Variants in ELAVL2 observed in about 807,000 individuals in gnomAD.
ELAVL2 encodes the protein ELAV-like protein 2.
A neutral mutation model predicts 34.6 loss-of-function variants in ELAVL2; 4 were observed. The ratio of observed to expected loss-of-function variants is 0.12; its 90% CI spans 0.06 to 0.26. The LOEUF (loss-of-function observed/expected upper bound fraction) is 0.26. ELAVL2 is among the 10% of genes least tolerant of loss of function. The pLI, the probability that ELAVL2 is intolerant of heterozygous loss-of-function variation, is 1.00. For synonymous variants in ELAVL2, 193 were observed against 154.8 expected (o/e 1.25, Z -1.83); for missense variants, 432 against 442.8 (o/e 0.98, Z 0.22).
intron 1 of ELAVL2, among the ~76,000 whole-genome samples, chr9:23,804,085 T>C (rs1424459011): frequency 6.6e-6 from 1 of 152,196 alleles, no homozygotes; most frequent in Non-Finnish European, 1.5e-5. Context: ...GTAATTCTAT[T>C]ATAATAATTT....
At chr9:23,825,136 A>C (rs1029950750) in intron 1 of ELAVL2, among the ~76,000 whole-genome samples, 2 of 152,222 alleles carry the variant, frequency 1.3e-5, no homozygotes, top group Non-Finnish European at 2.9e-5. Flanking sequence ...TCTTCTTTTA[A>C]AACTGAATTA....
In ELAVL2 at chr9:23,762,209, G is replaced by A. The variant is rs766358082; in HGVS notation, c.26C>T (p.Pro9Leu). 6.8e-6 allele frequency: 11 copies of A among 1,613,366 alleles called. No individual in the cohort carries two copies. The Admixed American group carries it at 1.8e-4, about 27-fold the overall frequency. Residue 9 changes from proline (P) to leucine (L), a missense_variant, in exon 2 of 7, where the codon CCA (proline) becomes CTA (leucine). Pro to Leu is a moderately conservative substitution (Grantham distance 98, BLOSUM62 -3). Around this residue, in one of 3 missense-constraint regions of ELAVL2, gnomAD observed 132 missense variants for 118.3 expected, o/e 1.12. Coordinates refer to ENST00000397312, the MANE Select transcript of ELAVL2 (RefSeq NM_004432.5). ...ACCATTGGCTGTGTTATTGCAAGTT[G>A]GCCCATTAGACAGTTGTGTTTCCAT... is the stretch of plus-strand genomic sequence containing the variant. The part of the protein sequence containing the change: METQLSNG[P>L]TCNNTANGPT...
chr9:23,711,534 C>A (rs1329681472), intron 3 of ELAVL2, among the ~76,000 whole-genome samples: 3 of 152,190 alleles, frequency 2.0e-5, no homozygotes, highest in Admixed American at 6.5e-5. Context: ...CCTGCTCTCA[C>A]TTCTCTGTGT....
chr9:23,765,781 T>C (rs770464945), intron 1 of ELAVL2, among the ~76,000 whole-genome samples: 3 of 152,124 alleles, frequency 2.0e-5, no homozygotes, highest in African/African-American at 4.8e-5. Context: ...TTGTTTGGAG[T>C]AATGCTCGCA....
intron 4 of ELAVL2, among the ~76,000 whole-genome samples, chr9:23,704,477 G>A (rs1304560974): frequency 6.6e-6 from 1 of 152,032 alleles, no homozygotes; most frequent in East Asian, 1.9e-4. Flanking sequence ...GCATGAACCT[G>A]GAAAACAGCC....
intron 5 of ELAVL2, among the ~76,000 whole-genome samples, chr9:23,700,751 A>G (rs2036905454): frequency 6.6e-6 from 1 of 152,230 alleles, no homozygotes; most frequent in Non-Finnish European, 1.5e-5. Context: ...GAAAAGGAAG[A>G]GAGGAACTCA....
At chr9:23,725,279 C>T (rs185015282) in intron 3 of ELAVL2, among the ~76,000 whole-genome samples, 4 of 152,258 alleles carry the variant, frequency 2.6e-5, no homozygotes, top group Admixed American at 6.5e-5. Flanking sequence ...ACTTCTATAA[C>T]GCATAACTCA....
At chr9:23,774,059 A>C (rs2057769868) in intron 1 of ELAVL2, among the ~76,000 whole-genome samples, 1 of 151,704 alleles carries the variant, frequency 6.6e-6, no homozygotes, top group African/African-American at 2.4e-5. Flanking sequence ...AAAATACAAA[A>C]AATTAGCCGG....
At chr9:23,718,839 G>A (rs1413571797) in intron 3 of ELAVL2, among the ~76,000 whole-genome samples, 2 of 152,078 alleles carry the variant, frequency 1.3e-5, no homozygotes, top group East Asian at 3.9e-4. Flanking sequence ...TAAATGAACT[G>A]ATTTGCAAGA....
intron 2 of ELAVL2, among the ~76,000 whole-genome samples, chr9:23,732,975 C>T (rs1482685689): frequency 2.0e-5 from 3 of 151,540 alleles, no homozygotes; most frequent in Non-Finnish European, 2.9e-5. Context: ...AAAAAGATGC[C>T]ACAAATATAA....
intron 2 of ELAVL2, among the ~76,000 whole-genome samples, chr9:23,752,573 G>A (rs902900644): frequency 6.6e-6 from 1 of 151,790 alleles, no homozygotes; most frequent in Non-Finnish European, 1.5e-5. Context: ...TCCTGTCTCA[G>A]CCTCCTGAAG....
At chr9:23,784,632 C>G (rs1181481238) in intron 1 of ELAVL2, among the ~76,000 whole-genome samples, 2 of 152,174 alleles carry the variant, frequency 1.3e-5, no homozygotes, top group Non-Finnish European at 2.9e-5. Flanking sequence ...ACTTAAGCTA[C>G]AGAGATCTTG....
intron 1 of ELAVL2, among the ~76,000 whole-genome samples, chr9:23,796,383 A>G (rs796140286): frequency 2.1e-4 from 32 of 152,326 alleles, no homozygotes; most frequent in African/African-American, 7.2e-4. Flanking sequence ...TTTGACCCAT[A>G]CTCTGTCCTT....
chr9:23,800,539 C>T (rs1230002468), intron 1 of ELAVL2, among the ~76,000 whole-genome samples: 1 of 152,122 alleles, frequency 6.6e-6, no homozygotes, highest in African/African-American at 2.4e-5. Flanking sequence ...TGCACTACAG[C>T]CCTATATGCT....
intron 3 of ELAVL2, among the ~76,000 whole-genome samples, chr9:23,712,732 T>C (rs1252014611): frequency 6.6e-6 from 1 of 152,176 alleles, no homozygotes; most frequent in Admixed American, 6.5e-5. Flanking sequence ...CTCATTTTCA[T>C]AGAATTTTCA....
intron 3 of ELAVL2, among the ~76,000 whole-genome samples, chr9:23,705,746 G>C (rs1476149240): frequency 6.6e-6 from 1 of 152,192 alleles, no homozygotes; most frequent in African/African-American, 2.4e-5. Flanking sequence ...TCGGACAGGA[G>C]GTGGAGCTTG....
At chr9:23,822,765 C>T (rs988863336) in intron 1 of ELAVL2, among the ~76,000 whole-genome samples, 5 of 152,224 alleles carry the variant, frequency 3.3e-5, no homozygotes, top group Non-Finnish European at 7.3e-5. Flanking sequence ...GTCATACCTA[C>T]CTGAAATTGT....
intron 1 of ELAVL2, among the ~76,000 whole-genome samples, chr9:23,787,390 C>T (rs1206507414): frequency 6.6e-6 from 1 of 151,694 alleles, no homozygotes; most frequent in Admixed American, 6.6e-5. Flanking sequence ...CGCCACCATG[C>T]CCAGCTAATT....
intron 3 of ELAVL2, among the ~76,000 whole-genome samples, chr9:23,719,500 T>A (rs2043127449): frequency 6.6e-6 from 1 of 152,196 alleles, no homozygotes; most frequent in African/African-American, 2.4e-5. Context: ...GGTTTCTTAT[T>A]AATTCATTTT....
Sources: gnomAD v4.1 joint callset for allele counts (sites outside exome capture counted in the v4.1 genomes callset) on GRCh38, gnomAD v4.1.1 for gene constraint, gnomAD v4.1.1 regional missense constraint, MANE v1.5 for transcripts, NCBI Gene and HGNC (gene_info 2026-07-23, HGNC 2026-07-21) for gene names.